The following PHACTR1 variants were observed in gnomAD, a reference collection of about 807,000 sequenced individuals.
The protein encoded by PHACTR1 is RPEL repeat containing 1.
A neutral mutation model predicts 69.2 loss-of-function variants in PHACTR1; 16 were observed. The observed-to-expected ratio is 0.23, with a 90% CI of 0.16 to 0.35. PHACTR1 has a LOEUF of 0.35. PHACTR1 is among the 10% of genes least tolerant of loss of function. The probability of loss-of-function intolerance (pLI) is 1.00; values close to 1 mark genes in which losing one functional copy is unlikely to be tolerated. For missense variants in PHACTR1, 510 were observed against 734.7 expected (o/e 0.69, Z 3.54); for synonymous variants, 312 against 284.5 (o/e 1.10, Z -0.97).
chr6:13,224,301 G>A (rs956407543), intron 8 of PHACTR1, among the ~76,000 whole-genome samples: 1 of 152,244 alleles, frequency 6.6e-6, no homozygotes, highest in Non-Finnish European at 1.5e-5. Context: ...GCAAGGCACT[G>A]ACTGAGACAA....
At chr6:12,910,046 C>T (rs1447552897) in intron 4 of PHACTR1, among the ~76,000 whole-genome samples, 2 of 152,224 alleles carry the variant, frequency 1.3e-5, no homozygotes, top group Non-Finnish European at 2.9e-5. Flanking sequence ...TGCTTAATCT[C>T]CCTTGGCTCA....
chr6:13,287,233 T>G lies in PHACTR1; in HGVS notation c.*155T>G, dbSNP rs1362875701. The stretch of plus-strand genomic sequence containing the variant: ...AAAATCAAGGAAACACAATCAGGAT[T>G]TTATGTGTGAAAACGCAAAAGTGAT... On this transcript the variant is annotated 3_prime_UTR_variant, in exon 15 of 15. Coordinates refer to ENST00000332995, the MANE Select transcript of PHACTR1 (RefSeq NM_030948.6). The G allele has an allele frequency of 4.7e-6, 4 of 853,602 alleles. No individual in the cohort carries two copies. The highest frequency in any genetic ancestry group is 7.1e-6 in the Non-Finnish European group (4 of 564,944). 52.9% of individuals were successfully genotyped at this position (853,602 alleles called of 1,614,324 possible).
chr6:13,141,724 C>CTTTTTTTTTTTTTTTTTTTTTTTT (rs577073698), intron 5 of PHACTR1, among the ~76,000 whole-genome samples: 3 of 89,802 alleles, frequency 3.3e-5, no homozygotes, highest in South Asian at 4.0e-4. Flanking sequence ...TTTCTTCTTT[C>CTTTTTTTTTTTTTTTTTTTTTTTT]TTTTTTTTTT....
chr6:13,053,146 A>G (rs1034345538), intron 4 of PHACTR1, among the ~76,000 whole-genome samples: 7 of 152,044 alleles, frequency 4.6e-5, no homozygotes, highest in African/African-American at 1.7e-4. Flanking sequence ...ATAGAAGTTG[A>G]GCAAATTTGG....
intron 4 of PHACTR1, among the ~76,000 whole-genome samples, chr6:12,878,991 G>A (rs534086523): frequency 6.6e-6 from 1 of 152,306 alleles, no homozygotes; most frequent in East Asian, 1.9e-4. Context: ...GCATTGAAAA[G>A]GCACGTGGAG....
chr6:13,163,424 A>G (rs1229408091), intron 6 of PHACTR1, among the ~76,000 whole-genome samples: 1 of 152,208 alleles, frequency 6.6e-6, no homozygotes, highest in Non-Finnish European at 1.5e-5. Context: ...TCACTAGCAC[A>G]TAAACTGTAG....
intron 4 of PHACTR1, among the ~76,000 whole-genome samples, chr6:12,971,194 A>G (rs934257590): frequency 6.6e-6 from 1 of 152,142 alleles, no homozygotes; most frequent in Non-Finnish European, 1.5e-5. Flanking sequence ...GGAAGAAACA[A>G]ATCAGGGTCC....
intron 5 of PHACTR1, among the ~76,000 whole-genome samples, chr6:13,141,566 G>A (rs1001371662): frequency 3.3e-5 from 5 of 152,108 alleles, no homozygotes; most frequent in Non-Finnish European, 7.4e-5. Flanking sequence ...TAAGGAAGCA[G>A]TGTGCTTCCT....
chr6:12,882,129 A>C (rs143125052), intron 4 of PHACTR1, among the ~76,000 whole-genome samples: 1 of 152,022 alleles, frequency 6.6e-6, no homozygotes, highest in Non-Finnish European at 1.5e-5. Context: ...GGACAGGGGG[A>C]TGGAGGGAAG....
At chr6:12,970,069 C>T (rs1794003675) in intron 4 of PHACTR1, among the ~76,000 whole-genome samples, 1 of 152,222 alleles carries the variant, frequency 6.6e-6, no homozygotes. Context: ...CTGCGAACAT[C>T]TGATTCTGCT....
intron 8 of PHACTR1, among the ~76,000 whole-genome samples, chr6:13,219,703 T>C (rs1768292589): frequency 6.6e-6 from 1 of 152,226 alleles, no homozygotes; most frequent in Non-Finnish European, 1.5e-5. Context: ...ATAGCGCTCA[T>C]CATGGGACTC....
intron 4 of PHACTR1, among the ~76,000 whole-genome samples, chr6:12,998,425 C>T (rs1797680513): frequency 6.6e-6 from 1 of 151,910 alleles, no homozygotes; most frequent in Admixed American, 6.6e-5. Flanking sequence ...TAGAGACCAG[C>T]CTGGACAACA....
At chr6:13,252,309 C>T (rs75787132) in intron 10 of PHACTR1, among the ~76,000 whole-genome samples, 1,997 of 130,672 alleles carry the variant, frequency 0.015, 40 homozygotes, top group African/African-American at 0.054. Context: ...GCCTGAGCAA[C>T]GGAGCAAGAT....
intron 4 of PHACTR1, among the ~76,000 whole-genome samples, chr6:13,003,318 G>A (rs1194664980): frequency 6.6e-6 from 1 of 151,888 alleles, no homozygotes; most frequent in Non-Finnish European, 1.5e-5. Context: ...GATTCTTTTT[G>A]TCAAAATTTA....
chr6:13,091,114 A>C (rs1020066150), intron 5 of PHACTR1, among the ~76,000 whole-genome samples: 1 of 151,674 alleles, frequency 6.6e-6, no homozygotes, highest in Non-Finnish European at 1.5e-5. Context: ...GGGTTCAAGC[A>C]GTTTTCCTGC....
intron 12 of PHACTR1, among the ~76,000 whole-genome samples, chr6:13,282,955 T>C (rs554654419): frequency 2.6e-5 from 4 of 152,302 alleles, no homozygotes; most frequent in African/African-American, 9.6e-5. Flanking sequence ...GAATATGCTT[T>C]GAAGTCCTAA....
At chr6:12,980,570 G>T (rs1224246490) in intron 4 of PHACTR1, among the ~76,000 whole-genome samples, 3 of 151,904 alleles carry the variant, frequency 2.0e-5, no homozygotes, top group Admixed American at 2.0e-4. Flanking sequence ...TTAAAATTGT[G>T]GTGAGTTTAG....
intron 11 of PHACTR1, chr6:13,273,790 T>C (rs368105271): frequency 7.2e-5 from 11 of 152,382 alleles, no homozygotes; most frequent in African/African-American, 2.6e-4. Flanking sequence ...CATGACCCTG[T>C]TCCCCCTACC....
chr6:13,181,701 C>T (rs191956547), intron 6 of PHACTR1, among the ~76,000 whole-genome samples: 3 of 152,196 alleles, frequency 2.0e-5, no homozygotes, highest in South Asian at 4.1e-4. Context: ...GTGGCTGCAG[C>T]CTGTTAGGTG....
Sources: allele counts gnomAD v4.1 joint callset (sites outside exome capture counted in the v4.1 genomes callset), GRCh38; gene constraint gnomAD v4.1.1; transcripts MANE v1.5; gene names NCBI Gene and HGNC (gene_info 2026-07-23, HGNC 2026-07-21).